SGMS1: variants seen among roughly 807,000 people sequenced by gnomAD.
The protein encoded by SGMS1 is sphingomyelin synthase 1.
SGMS1 carries 13 observed loss-of-function variants against 46.2 expected under a neutral mutation model. The ratio of observed to expected loss-of-function variants is 0.28; its 90% CI spans 0.18 to 0.45. SGMS1 has a LOEUF of 0.45. SGMS1 is among the 20% of genes least tolerant of loss of function. The pLI, the probability that SGMS1 is intolerant of heterozygous loss-of-function variation, is 1.00. For missense variants in SGMS1, 324 were observed against 519.9 expected, an observed-to-expected ratio of 0.62 and a Z score of 3.66; for synonymous variants, 203 against 187.8, an observed-to-expected ratio of 1.08 and a Z score of -0.66.
chr10:50,402,735 AT>A (rs60249033), intron 6 of SGMS1, among the ~76,000 whole-genome samples: 33,471 of 147,750 alleles, frequency 0.23, 3,644 homozygotes, highest in Admixed American at 0.25. Context: ...AACCAGAACC[AT>A]TTTTTTTTTT....
In SGMS1 at chr10:50,408,437, A is replaced by C. The variant is rs1353652169; in HGVS notation, c.-232+25039T>G. Reference sequence around the variant, plus strand: ...ATACTGAGACCTCATCTCTTAAAAAAAAAAAAAAAAAAAAAAAACAAAATA... The same window carrying C: ...ATACTGAGACCTCATCTCTTAAAAACAAAAAAAAAAAAAAAAAACAAAATA... On this transcript the variant is annotated intron_variant, in intron 6 of 10. Transcript: ENST00000361781. Among the ~76,000 whole-genome samples the C allele has an allele frequency of 1.2e-4, 18 of 150,382 alleles. No individual in the cohort carries two copies. In the South Asian group the frequency reaches 3.8e-3, roughly 32 times the overall value.
intron 6 of SGMS1, among the ~76,000 whole-genome samples, chr10:50,384,322 A>G (rs1479718858): frequency 6.6e-6 from 1 of 152,160 alleles, no homozygotes; most frequent in African/African-American, 2.4e-5. Context: ...ATGAAAATAA[A>G]TAATATCAAC....
At chr10:50,596,301 C>T (rs566393649) in intron 1 of SGMS1, among the ~76,000 whole-genome samples, 53 of 152,202 alleles carry the variant, frequency 3.5e-4, no homozygotes, top group Admixed American at 2.9e-3. Context: ...CTCAGCCTCC[C>T]GAATAGCTGG....
chr10:50,382,864 C>T (rs1848627499), intron 6 of SGMS1, among the ~76,000 whole-genome samples: 1 of 152,092 alleles, frequency 6.6e-6, no homozygotes, highest in South Asian at 2.1e-4. Flanking sequence ...AAAATAGCAC[C>T]ACACTATGCT....
At chr10:50,528,716 T>G (rs1474218538) in intron 2 of SGMS1, among the ~76,000 whole-genome samples, 2 of 151,948 alleles carry the variant, frequency 1.3e-5, no homozygotes, top group African/African-American at 4.8e-5. Flanking sequence ...CTGGGCAAAA[T>G]AGGGAGACCT....
chr10:50,450,986 G>C lies in SGMS1; in HGVS notation c.-313+9687C>G, dbSNP rs140719749. Among the ~76,000 whole-genome samples, 150 of 133,562 alleles carry C rather than the reference G, an allele frequency of 1.1e-3. 3 individuals carry two copies. Among genetic ancestry groups the C allele is most frequent in the South Asian group, 6.7e-4 (3 of 4,446 alleles). The allele number at this position is 133,562 out of a possible 152,430, so 87.6% of individuals were successfully genotyped here. ...ATTTGAACAAAAAATAACAAATAGT[G>C]GATGCTTTGGATTAAGTAATTTTAA... On this transcript the variant is annotated intron_variant, in intron 5 of 10. Transcript: ENST00000361781.
At chr10:50,615,982 G>A (rs1379860689) in intron 1 of SGMS1, among the ~76,000 whole-genome samples, 1 of 152,258 alleles carries the variant, frequency 6.6e-6, no homozygotes, top group South Asian at 2.1e-4. Flanking sequence ...AACAAAACTA[G>A]GCAGAAACAT....
chr10:50,611,764 C>T (rs1245839849), intron 1 of SGMS1, among the ~76,000 whole-genome samples: 3 of 152,154 alleles, frequency 2.0e-5, no homozygotes, highest in Non-Finnish European at 4.4e-5. Context: ...GCCTGTGCAC[C>T]TTCATCCCTG....
chr10:50,604,099 T>C (rs1026663187), intron 1 of SGMS1, among the ~76,000 whole-genome samples: 24 of 152,302 alleles, frequency 1.6e-4, no homozygotes, highest in Admixed American at 1.2e-3. Context: ...AAAACGGCAC[T>C]GTACACTTTG....
At chr10:50,402,045 T>TA (rs962221235) in intron 6 of SGMS1, among the ~76,000 whole-genome samples, 11 of 152,304 alleles carry the variant, frequency 7.2e-5, no homozygotes, top group South Asian at 4.1e-4. Context: ...TTCATTTTGT[T>TA]AAAAAAATCT....
rs1392585796 is a variant in SGMS1, at chr10:50,382,823, A to G, written c.-231-38478T>C. ...CTTCATTTAATGAGCTTCTAGTTTT[A>G]TCAAATGGCCACAGGAATTACGTAT... On this transcript the variant is annotated intron_variant, in intron 6 of 10. Transcript: ENST00000361781. Among the ~76,000 whole-genome samples the G allele has an allele frequency of 2.0e-5, 3 of 152,306 alleles. No individual in the cohort carries two copies. In the East Asian group the frequency reaches 5.8e-4, roughly 29 times the overall value.
upstream of SGMS1, chr10:50,625,167 G>T: frequency 1.5e-6 from 1 of 645,984 alleles, no homozygotes; most frequent in Non-Finnish European, 1.9e-6. Context: ...GCAAACTGCG[G>T]CGAAATCGAG....
chr10:50,565,083 T>C (rs1838276355), intron 2 of SGMS1, among the ~76,000 whole-genome samples: 1 of 152,168 alleles, frequency 6.6e-6, no homozygotes, highest in Non-Finnish European at 1.5e-5. Context: ...CTTCAAACTT[T>C]TTTTATCCTC....
intron 6 of SGMS1, among the ~76,000 whole-genome samples, chr10:50,347,926 A>C (rs1035244452): frequency 6.6e-6 from 1 of 152,180 alleles, no homozygotes; most frequent in African/African-American, 2.4e-5. Context: ...TTTGTTACTT[A>C]GGTATACATG....
chr10:50,509,618 C>G (rs1010129709), intron 3 of SGMS1, among the ~76,000 whole-genome samples: 1 of 152,158 alleles, frequency 6.6e-6, no homozygotes, highest in Non-Finnish European at 1.5e-5. Flanking sequence ...TCTCCACTAA[C>G]GCTAGAATCA....
intron 3 of SGMS1, among the ~76,000 whole-genome samples, chr10:50,467,992 G>C (rs959902842): frequency 6.6e-6 from 1 of 152,270 alleles, no homozygotes; most frequent in African/African-American, 2.4e-5. Context: ...GGAATAAGAT[G>C]GGAGAAGGCA....
chr10:50,470,825 CCA>C (rs1837371937), intron 3 of SGMS1, among the ~76,000 whole-genome samples: 8 of 152,196 alleles, frequency 5.3e-5, no homozygotes, highest in Admixed American at 5.2e-4. Flanking sequence ...ATAAAAAAGA[CCA>C]TCCATTAACT....
At chr10:50,521,234 A>G (rs1837854354) in intron 2 of SGMS1, among the ~76,000 whole-genome samples, 1 of 152,220 alleles carries the variant, frequency 6.6e-6, no homozygotes, top group African/African-American at 2.4e-5. Context: ...ATAATAGTAC[A>G]AAAGTATCCA....
chr10:50,421,141 T>C lies in SGMS1; in HGVS notation c.-232+12335A>G, dbSNP rs80277885. ...ATTTAAAGTACACGGATTCTCAACATATAGTTATCAAAAAAAAGTGACGGT... is the reference window on the plus strand; with the variant it reads ...ATTTAAAGTACACGGATTCTCAACACATAGTTATCAAAAAAAAGTGACGGT... On this transcript the variant is annotated intron_variant, in intron 6 of 10. Coordinates refer to ENST00000361781, the MANE Select transcript of SGMS1 (RefSeq NM_147156.4). Among the ~76,000 whole-genome samples the C allele has an allele frequency of 3.9e-5, 6 of 152,250 alleles. No homozygotes were observed. The East Asian group carries it at 9.6e-4, about 24-fold the overall frequency.
Sources: allele counts gnomAD v4.1 joint callset (sites outside exome capture counted in the v4.1 genomes callset), GRCh38; gene constraint gnomAD v4.1.1; transcripts MANE v1.5; gene names NCBI Gene and HGNC (gene_info 2026-07-23, HGNC 2026-07-21).